CORO1C: variants seen among roughly 807,000 people sequenced by gnomAD.
CORO1C encodes the protein coronin 1C.
CORO1C carries 14 observed loss-of-function variants against 51.2 expected under a neutral mutation model. That is an observed-to-expected ratio of 0.27 (90% CI 0.18 to 0.43). CORO1C has a LOEUF of 0.43. CORO1C is among the 20% of genes least tolerant of loss of function. CORO1C has a pLI of 1.00. For missense variants in CORO1C, 417 were observed against 607.8 expected, an observed-to-expected ratio of 0.69 and a Z score of 3.30; for synonymous variants, 181 against 210.5, an observed-to-expected ratio of 0.86 and a Z score of 1.21.
intron 7 of CORO1C, 75 bp from the exon 8 acceptor site, chr12:108,652,492 C>A: frequency 8.0e-7 from 1 of 1,253,700 alleles, no homozygotes; most frequent in South Asian, 1.3e-5. Context: ...TCTCTCTCCT[C>A]TACAAACCCA....
At chr12:108,678,428 T>C in intron 2 of CORO1C, 34 bp from the exon 3 acceptor site, 2 of 1,517,106 alleles carry the variant, frequency 1.3e-6, no homozygotes, top group Non-Finnish European at 1.8e-6. Context: ...TATTATGTAA[T>C]ATCAACACCA....
chr12:108,703,105 A>G (rs2034926511), intron 1 of CORO1C: 1 of 610,512 alleles, frequency 1.6e-6, no homozygotes, highest in East Asian at 3.1e-5. Context: ...AAGCCAACGT[A>G]CAGCCAGCTG....
intron 2 of CORO1C, among the ~76,000 whole-genome samples, chr12:108,689,518 G>A (rs533314997): frequency 8.5e-5 from 13 of 152,186 alleles, no homozygotes; most frequent in South Asian, 6.2e-4. Flanking sequence ...CTTTCTACAC[G>A]GTTTCCCTTA....
In CORO1C at chr12:108,655,669, C is replaced by T. The variant is rs1347601017; in HGVS notation, c.751-1259G>A. On this transcript the variant is annotated intron_variant, in intron 6 of 10. Transcript: ENST00000261401. ...GGTGCCGGGATTGCAAACGGAGTCT[C>T]GTTCACTCAGTGCTCAATGTTGCCC... Among the ~76,000 whole-genome samples, 4 of 150,330 alleles carry T rather than the reference C, an allele frequency of 2.7e-5. No homozygotes were observed. The East Asian group carries it at 7.7e-4, about 29-fold the overall frequency.
chr12:108,692,576 C>T (rs2034533399), intron 2 of CORO1C, among the ~76,000 whole-genome samples: 1 of 152,218 alleles, frequency 6.6e-6, no homozygotes, highest in African/African-American at 2.4e-5. Context: ...CAGCACGGCG[C>T]CTGGCACTTA....
chr12:108,706,581 A>G (rs1194041382), intron 1 of CORO1C, among the ~76,000 whole-genome samples: 1 of 152,242 alleles, frequency 6.6e-6, no homozygotes, highest in Non-Finnish European at 1.5e-5. Context: ...TGCAGGATAC[A>G]AGATTAATAT....
intron 3 of CORO1C, 87 bp from the exon 4 acceptor site, chr12:108,662,245 G>A: frequency 5.1e-6 from 6 of 1,176,404 alleles, no homozygotes; most frequent in South Asian, 1.3e-5. Flanking sequence ...ATAAAGATTT[G>A]CTCTATGTAA....
chr12:108,651,369 T>A (rs1292229032), intron 8 of CORO1C, among the ~76,000 whole-genome samples: 1 of 152,184 alleles, frequency 6.6e-6, no homozygotes. Flanking sequence ...TTGACTAGCA[T>A]GAGAAAAAAG....
chr12:108,648,528 A>G (rs752931977), intron 10 of CORO1C, 77 bp downstream of exon 10: 68 of 1,591,758 alleles, frequency 4.3e-5, no homozygotes, highest in Non-Finnish European at 5.8e-5. Flanking sequence ...GTACTCGCCG[A>G]CGCCCTGGAC....
chr12:108,657,935 T>G (rs2033095894), intron 5 of CORO1C, among the ~76,000 whole-genome samples: 1 of 152,148 alleles, frequency 6.6e-6, no homozygotes, highest in African/African-American at 2.4e-5. Flanking sequence ...TCCCCAGGGC[T>G]CAGTAAGCAC....
At chr12:108,714,759 A>T (rs1392665248) in intron 1 of CORO1C, among the ~76,000 whole-genome samples, 1 of 152,078 alleles carries the variant, frequency 6.6e-6, no homozygotes, top group Non-Finnish European at 1.5e-5. Context: ...TGATACCCAA[A>T]AAAAATAAAA....
At chr12:108,672,579 A>G (rs1565912575) in intron 3 of CORO1C, among the ~76,000 whole-genome samples, 2 of 151,996 alleles carry the variant, frequency 1.3e-5, no homozygotes, top group Non-Finnish European at 2.9e-5. Context: ...GATGTAATTA[A>G]TATTAAAGAG....
At chr12:108,691,861 A>G (rs1377902735) in intron 2 of CORO1C, among the ~76,000 whole-genome samples, 1 of 152,158 alleles carries the variant, frequency 6.6e-6, no homozygotes, top group East Asian at 1.9e-4. Context: ...GGAAACCATC[A>G]TCTGCCAGGG....
chr12:108,652,806 T>C (rs1374392201), intron 7 of CORO1C, among the ~76,000 whole-genome samples: 1 of 58,404 alleles, frequency 1.7e-5, no homozygotes, highest in African/African-American at 7.4e-5. Context: ...ATGCAATTAT[T>C]GATTTAAGTA....
At chr12:108,698,344 T>A (rs999037017) in intron 2 of CORO1C, among the ~76,000 whole-genome samples, 3 of 152,252 alleles carry the variant, frequency 2.0e-5, no homozygotes, top group Non-Finnish European at 4.4e-5. Flanking sequence ...AATCACTTCA[T>A]AGCTGAGAAC....
chr12:108,661,241 G>A (rs373477385), intron 4 of CORO1C, among the ~76,000 whole-genome samples: 91 of 152,196 alleles, frequency 6.0e-4, no homozygotes, highest in African/African-American at 2.0e-3. Context: ...TTTAGATAAA[G>A]GAAAAGATTT....
rs144696817 is a variant in CORO1C, at chr12:108,728,871, G to A, written c.-6+2558C>T. 1.3e-4 allele frequency among the ~76,000 whole-genome samples: 20 copies of A among 152,298 alleles called. No individual in the cohort carries two copies. In the East Asian group the frequency reaches 3.7e-3, roughly 28 times the overall value. On this transcript the variant is annotated intron_variant, in intron 1 of 10. Coordinates refer to ENST00000261401, the MANE Select transcript of CORO1C (RefSeq NM_014325.4). ...AGAGTTTTCATAATTCAAGGAGACA[G>A]TAACACAGAGAAGTCATAAATGGAA...
intron 3 of CORO1C, among the ~76,000 whole-genome samples, chr12:108,676,430 TG>T (rs2033911954): frequency 6.6e-6 from 1 of 152,196 alleles, no homozygotes; most frequent in Non-Finnish European, 1.5e-5. Context: ...GAGCCAGAGA[TG>T]GATCAAACCT....
intron 2 of CORO1C, among the ~76,000 whole-genome samples, chr12:108,688,022 C>T (rs911516268): frequency 1.3e-5 from 2 of 151,318 alleles, no homozygotes; most frequent in Non-Finnish European, 2.9e-5. Flanking sequence ...CTCCCAGGTA[C>T]AGGCGATTCT....
Sources: allele counts gnomAD v4.1 joint callset (sites outside exome capture counted in the v4.1 genomes callset), GRCh38; gene constraint gnomAD v4.1.1; transcripts MANE v1.5; gene names NCBI Gene and HGNC (gene_info 2026-07-23, HGNC 2026-07-21).